The following BCOR variants were observed in gnomAD, a reference collection of about 807,000 sequenced individuals.
BCOR encodes BCL6 corepressor.
BCOR carries 10 observed loss-of-function variants against 86.7 expected under a neutral mutation model. The ratio of observed to expected loss-of-function variants is 0.12; its 90% CI spans 0.07 to 0.20. The LOEUF (loss-of-function observed/expected upper bound fraction) is 0.20. Among genes scored for constraint, BCOR ranks in the 10% least tolerant of loss-of-function variants. The pLI is 1.00. For missense variants in BCOR, 1,259 were observed against 1,452.1 expected (o/e 0.87, Z 2.16); for synonymous variants, 611 against 609.0 (o/e 1.00, Z -0.05).
chrX:40,067,285 C>T (rs896357846), intron 6 of BCOR, among the ~76,000 whole-genome samples: 1 of 111,853 alleles, frequency 8.9e-6, no homozygotes, highest in African/African-American at 3.3e-5. Flanking sequence ...AGGGAGCACC[C>T]CCATTAGATA....
In BCOR at chrX:40,117,992, C is replaced by T. The variant is rs769043758; in HGVS notation, c.-40-40023G>A. Among the ~76,000 whole-genome samples, 14 of 101,318 alleles carry T rather than the reference C, an allele frequency of 1.4e-4. No individual in the cohort carries two copies. The East Asian group carries it at 4.4e-3, about 32-fold the overall frequency. The allele number at this position is 101,318 out of a possible 115,157, so 88.0% of individuals were successfully genotyped here. On this transcript the variant is annotated intron_variant, in intron 1 of 14. Coordinates refer to the BCOR transcript ENST00000342274. Reference sequence around the variant, plus strand: ...TCTCTCTCTCTCTCTCCACCCCCCCCACCCCTTTTCCTCCCTCCCTATCTG... The same window carrying T: ...TCTCTCTCTCTCTCTCCACCCCCCCTACCCCTTTTCCTCCCTCCCTATCTG...
At chrX:40,141,512 C>G (rs1463468387) in intron 1 of BCOR, among the ~76,000 whole-genome samples, 1 of 112,104 alleles carries the variant, frequency 8.9e-6, no homozygotes, top group Non-Finnish European at 1.9e-5. Context: ...AGCTAGCCCC[C>G]TTCTCTGCTG....
At chrX:40,095,154 C>T (rs373142112) in intron 1 of BCOR, among the ~76,000 whole-genome samples, 2 of 111,703 alleles carry the variant, frequency 1.8e-5, no homozygotes, top group African/African-American at 3.3e-5. Flanking sequence ...CTTCCCCCCC[C>T]ACTCCGCTCT....
At chrX:40,139,485 AT>A (rs1324789827) in intron 1 of BCOR, among the ~76,000 whole-genome samples, 1 of 14,097 alleles carries the variant, frequency 7.1e-5, no homozygotes, top group Non-Finnish European at 9.9e-5. Context: ...ATATATATAT[AT>A]ATATATATAT....
chrX:40,107,770 T>C (rs1384695887), intron 1 of BCOR, among the ~76,000 whole-genome samples: 1 of 112,854 alleles, frequency 8.9e-6, no homozygotes, highest in East Asian at 2.8e-4. Flanking sequence ...GCCCCTCCCC[T>C]CTCACAGCCC....
intron 1 of BCOR, among the ~76,000 whole-genome samples, chrX:40,108,099 C>T: frequency 8.9e-6 from 1 of 112,967 alleles, no homozygotes; most frequent in East Asian, 2.8e-4. Flanking sequence ...GGATCCACAG[C>T]GAGCAGGTTG....
intron 1 of BCOR, among the ~76,000 whole-genome samples, chrX:40,094,154 A>AC (rs1307027638): frequency 2.7e-5 from 3 of 109,846 alleles, no homozygotes; most frequent in Admixed American, 9.5e-5. Flanking sequence ...GTTAAGAGAA[A>AC]CCCCCACGGC....
chrX:40,072,833 G>C lies in BCOR; in HGVS notation c.2513C>G (p.Pro838Arg), dbSNP rs371269688. The change falls in exon 4 of 15, where the codon CCC becomes CGC. Residue 838 changes from proline to arginine, a missense_variant. By Grantham distance (103) the Pro-to-Arg change is moderately radical. Transcript: ENST00000378444. The part of the protein sequence containing the change: ...AESVGQSAEP[P>R]KPSVEPALQQ... ...CAGGGCCGGCTCAACTGAGGGCTTG[G>C]GGGGCTCAGCGCTCTGGCCAACACT... is the stretch of plus-strand genomic sequence containing the variant. 7.4e-6 allele frequency: 9 copies of C among 1,209,829 alleles called. No homozygotes were observed. Among genetic ancestry groups the C allele is most frequent in the Middle Eastern group, 2.3e-4 (1 of 4,354 alleles).
At chrX:40,160,054 A>T (rs1289740746) in intron 1 of BCOR, among the ~76,000 whole-genome samples, 1 of 112,420 alleles carries the variant, frequency 8.9e-6, no homozygotes, top group Non-Finnish European at 1.9e-5. Flanking sequence ...GGAGAAGGGA[A>T]AGTATGGTAC....
At chrX:40,056,976 T>A (rs1356715542) in intron 11 of BCOR, among the ~76,000 whole-genome samples, 179 bp downstream of exon 11, 2 of 112,328 alleles carry the variant, frequency 1.8e-5, no homozygotes, top group African/African-American at 6.5e-5. Flanking sequence ...GAGCTTTACA[T>A]CTACATTTGC....
chrX:40,146,446 G>C (rs1274101729), intron 1 of BCOR: 2 of 112,203 alleles, frequency 1.8e-5, no homozygotes, highest in East Asian at 5.7e-4. Context: ...GGTTCTCACC[G>C]GGAAGCGAGC....
chrX:40,158,318 T>C (rs1443313941), intron 1 of BCOR, among the ~76,000 whole-genome samples: 1 of 112,027 alleles, frequency 8.9e-6, no homozygotes, highest in African/African-American at 3.2e-5. Context: ...CGCGGGCGGC[T>C]GCGCACCGGC....
intron 1 of BCOR, among the ~76,000 whole-genome samples, chrX:40,132,617 GT>G (rs1937614292): frequency 8.9e-6 from 1 of 111,881 alleles, no homozygotes; most frequent in Non-Finnish European, 1.9e-5. Flanking sequence ...GGGGTAATTT[GT>G]TGCATGGCAC....
At chrX:40,152,593 G>T (rs1276212771) in intron 1 of BCOR, among the ~76,000 whole-genome samples, 2 of 112,857 alleles carry the variant, frequency 1.8e-5, no homozygotes, top group Non-Finnish European at 3.8e-5. Context: ...ACACCACGCC[G>T]CTTTCTCTCC....
intron 1 of BCOR, among the ~76,000 whole-genome samples, chrX:40,176,237 G>A (rs935821918): frequency 8.0e-5 from 9 of 112,486 alleles, no homozygotes; most frequent in Admixed American, 1.9e-4. Context: ...AGCCCCCAGA[G>A]CTAGCCCGCG....
intron 14 of BCOR, among the ~76,000 whole-genome samples, chrX:40,052,800 G>C (rs755883090): frequency 9.1e-6 from 1 of 110,476 alleles, no homozygotes; most frequent in Admixed American, 9.7e-5. Flanking sequence ...TCCTGACCTC[G>C]TGATCCGCCC....
At chrX:40,061,584 G>A (rs1355827290) in intron 10 of BCOR, among the ~76,000 whole-genome samples, 2 of 109,649 alleles carry the variant, frequency 1.8e-5, no homozygotes, top group East Asian at 5.7e-4. Flanking sequence ...TGAGTTGAGG[G>A]AAAAGTCTCA....
chrX:40,080,509 T>TC (rs1298373359), intron 1 of BCOR, among the ~76,000 whole-genome samples: 1 of 111,226 alleles, frequency 9.0e-6, no homozygotes, highest in African/African-American at 3.3e-5. Flanking sequence ...GCAAAGGACC[T>TC]CCCGGCACCT....
At position 40,139,485 on chromosome X, in the gene BCOR, ATATATATATATATTTTT is replaced by A. The variant is rs1462702345; in HGVS notation, c.-41+37505_-41+37521del. ...TATATATATATATATATATATATAT[ATATATATATATATTTTT>A]TTTTTTTTTTAAGCATCAGCCTTAA... On this transcript the variant is annotated intron_variant, in intron 1 of 14. Coordinates refer to the BCOR transcript ENST00000342274. Among the ~76,000 whole-genome samples, 7 of 14,097 alleles carry A rather than the reference ATATATATATATATTTTT, an allele frequency of 5.0e-4. 1 individual carries two copies. Among genetic ancestry groups the A allele is most frequent in the African/African-American group, 4.7e-3 (7 of 1,505 alleles). The allele number at this position is 14,097 out of a possible 115,157, so 12.2% of individuals were successfully genotyped here.
Sources: gnomAD v4.1 joint callset for allele counts (sites outside exome capture counted in the v4.1 genomes callset) on GRCh38, gnomAD v4.1.1 for gene constraint, MANE v1.5 for transcripts, NCBI Gene and HGNC (gene_info 2026-07-23, HGNC 2026-07-21) for gene names.